Variants in THSD4 observed in about 807,000 individuals in gnomAD.
THSD4 encodes the protein thrombospondin type-1 domain-containing protein 4.
THSD4 carries 69 observed loss-of-function variants against 119.0 expected under a neutral mutation model. That is an observed-to-expected ratio of 0.58 (90% CI 0.48 to 0.71). The LOEUF (loss-of-function observed/expected upper bound fraction) is 0.71. THSD4 is among the 30% of genes least tolerant of loss of function. The probability of loss-of-function intolerance (pLI) is 0.00; values close to 1 mark genes in which losing one functional copy is unlikely to be tolerated. For synonymous variants in THSD4, 524 were observed against 540.4 expected (o/e 0.97, Z 0.42); for missense variants, 1,393 against 1,391.1 (o/e 1.00, Z -0.02).
rs974105859 is a variant in THSD4, at chr15:71,748,709, GA to G, written c.2415+123del. The G allele has an allele frequency of 1.2e-3, 1,552 of 1,264,474 alleles. 1 individual carries two copies. The highest frequency in any genetic ancestry group is 1.7e-3 in the South Asian group (110 of 65,104). The allele number at this position is 1,264,474 out of a possible 1,614,324, so 78.3% of individuals were successfully genotyped here. On this transcript the variant is annotated intron_variant, in intron 14 of 17. Coordinates refer to ENST00000261862, the MANE Select transcript of THSD4 (RefSeq NM_024817.3). ...CAAGACTGATTTCTGGCTCTGGGGG[GA>G]AAAAAAAGGCCCAGAGAGGAATTAT...
intron 7 of THSD4, among the ~76,000 whole-genome samples, chr15:71,480,088 G>A (rs1324073018): frequency 4.6e-5 from 7 of 152,134 alleles, no homozygotes; most frequent in African/African-American, 1.4e-4. Flanking sequence ...CCAGGCTAGA[G>A]TGCAGTGGTG....
At chr15:71,323,338 C>T (rs72759702) in intron 6 of THSD4, among the ~76,000 whole-genome samples, 14,215 of 152,090 alleles carry the variant, frequency 0.093, 745 homozygotes, top group African/African-American at 0.12. Context: ...ATCTCATGTT[C>T]GCCTGTGTCC....
chr15:71,471,958 A>G (rs1414756359), intron 7 of THSD4, among the ~76,000 whole-genome samples: 1 of 152,158 alleles, frequency 6.6e-6, no homozygotes, highest in Non-Finnish European at 1.5e-5. Context: ...TCTGTCACCC[A>G]GGCTACAGTG....
chr15:71,606,331 T>A (rs1240899055), intron 7 of THSD4, among the ~76,000 whole-genome samples: 1 of 152,192 alleles, frequency 6.6e-6, no homozygotes, highest in Non-Finnish European at 1.5e-5. Flanking sequence ...GTTGTATTAT[T>A]TTCTGTTGTT....
intron 3 of THSD4, among the ~76,000 whole-genome samples, chr15:71,193,804 T>C (rs1387795747): frequency 2.0e-5 from 3 of 151,964 alleles, no homozygotes; most frequent in African/African-American, 7.3e-5. Context: ...GCCTCCCGGG[T>C]TCACACCATT....
At chr15:71,619,244 TTACAGGAA>T (rs1476459907) in intron 7 of THSD4, among the ~76,000 whole-genome samples, 1 of 152,202 alleles carries the variant, frequency 6.6e-6, no homozygotes, top group Non-Finnish European at 1.5e-5. Flanking sequence ...AGTGCTGGGA[TTACAGGAA>T]TGAGCCACCG....
At chr15:71,236,057 C>T (rs1358302190) in intron 4 of THSD4, among the ~76,000 whole-genome samples, 1 of 152,204 alleles carries the variant, frequency 6.6e-6, no homozygotes, top group Non-Finnish European at 1.5e-5. Flanking sequence ...TCCTCGAGGG[C>T]AGTCCCCGGG....
intron 7 of THSD4, among the ~76,000 whole-genome samples, chr15:71,599,653 C>T (rs2049970161): frequency 6.6e-6 from 1 of 152,222 alleles, no homozygotes; most frequent in African/African-American, 2.4e-5. Flanking sequence ...TGGCAAGGCC[C>T]TGCTCCATTT....
At chr15:71,623,673 A>G (rs1307057374) in intron 7 of THSD4, among the ~76,000 whole-genome samples, 1 of 152,236 alleles carries the variant, frequency 6.6e-6, no homozygotes, top group Non-Finnish European at 1.5e-5. Context: ...CTGTAATCCC[A>G]GCACTTGAGA....
chr15:71,426,771 T>A (rs1000757111), intron 7 of THSD4, among the ~76,000 whole-genome samples: 1 of 152,180 alleles, frequency 6.6e-6, no homozygotes, highest in Non-Finnish European at 1.5e-5. Flanking sequence ...TATTAAAAAT[T>A]TATCATATTA....
At chr15:71,193,857 C>T (rs1197667308) in intron 3 of THSD4, among the ~76,000 whole-genome samples, 4 of 152,122 alleles carry the variant, frequency 2.6e-5, no homozygotes, top group Non-Finnish European at 4.4e-5. Flanking sequence ...ACTACAGGCG[C>T]CCGCCGCCAC....
chr15:71,285,151 C>T (rs1167325331), intron 6 of THSD4, among the ~76,000 whole-genome samples: 2 of 152,188 alleles, frequency 1.3e-5, no homozygotes, highest in East Asian at 1.9e-4. Context: ...AATAATAATA[C>T]TTGATTAAAT....
intron 6 of THSD4, among the ~76,000 whole-genome samples, chr15:71,312,712 C>T (rs1302019859): frequency 1.3e-5 from 2 of 152,136 alleles, no homozygotes; most frequent in Non-Finnish European, 2.9e-5. Flanking sequence ...TGCCTTTTCT[C>T]ACTCCACTCT....
intron 6 of THSD4, among the ~76,000 whole-genome samples, chr15:71,309,138 A>G (rs1464546669): frequency 6.6e-6 from 1 of 152,180 alleles, no homozygotes; most frequent in African/African-American, 2.4e-5. Context: ...TTCAGTAAAG[A>G]CAGGGTTCAC....
At chr15:71,113,030 G>GA (rs912301822), upstream of THSD4, among the ~76,000 whole-genome samples, 3 of 150,928 alleles carry the variant, frequency 2.0e-5, no homozygotes, top group East Asian at 1.9e-4. Context: ...AATAAAAAAT[G>GA]AAAAAAAAAT....
At chr15:71,693,773 A>G (rs759437429) in intron 8 of THSD4, among the ~76,000 whole-genome samples, 21 of 152,074 alleles carry the variant, frequency 1.4e-4, no homozygotes, top group Non-Finnish European at 2.6e-4. Context: ...ATGATTTTCT[A>G]AGGGGTTTCG....
At chr15:71,703,061 A>G (rs1372937711) in intron 8 of THSD4, among the ~76,000 whole-genome samples, 1 of 151,492 alleles carries the variant, frequency 6.6e-6, no homozygotes, top group Non-Finnish European at 1.5e-5. Context: ...GCTCACTGCA[A>G]CCTCCGCCTC....
intron 5 of THSD4, among the ~76,000 whole-genome samples, chr15:71,250,393 A>G (rs1050545478): frequency 1.3e-5 from 2 of 152,196 alleles, no homozygotes; most frequent in Non-Finnish European, 2.9e-5. Context: ...GTTGGAGTGC[A>G]GCGGCATGAT....
At chr15:71,724,882 C>A (rs55974051) in intron 8 of THSD4, among the ~76,000 whole-genome samples, 1 of 113,856 alleles carries the variant, frequency 8.8e-6, no homozygotes, top group African/African-American at 3.1e-5. Flanking sequence ...GATGGTGGTA[C>A]CATTTACTGA....
Sources: gnomAD v4.1 joint callset for allele counts (sites outside exome capture counted in the v4.1 genomes callset) on GRCh38, gnomAD v4.1.1 for gene constraint, MANE v1.5 for transcripts, NCBI Gene and HGNC (gene_info 2026-07-23, HGNC 2026-07-21) for gene names.